ZRANB1: variants seen among roughly 807,000 people sequenced by gnomAD.
ZRANB1 encodes the protein zinc finger RANBP2-type containing 1.
Under a neutral mutation model 80.5 loss-of-function variants are expected in ZRANB1, and 16 were observed. The observed-to-expected ratio is 0.20, with a 90% CI of 0.13 to 0.30. ZRANB1 has a LOEUF of 0.30. ZRANB1 is among the 10% of genes least tolerant of loss of function. The pLI is 1.00. For missense variants in ZRANB1, 576 were observed against 862.6 expected (o/e 0.67, Z 4.16); for synonymous variants, 291 against 293.1 (o/e 0.99, Z 0.07).
chr10:124,955,128 AAAAC>A (rs758516203), intron 1 of ZRANB1, among the ~76,000 whole-genome samples: 3 of 152,016 alleles, frequency 2.0e-5, no homozygotes, highest in South Asian at 2.1e-4. Flanking sequence ...CTGTCTCAAA[AAAAC>A]AAACAAAAAC....
At chr10:124,922,623 G>C in the ZRANB1 span, among the ~76,000 whole-genome samples, 1 of 151,560 alleles carries the variant, frequency 6.6e-6, no homozygotes, top group Non-Finnish European at 1.5e-5. Context: ...CTTCTGAGTA[G>C]CTGGGATTAC....
the ZRANB1 span, among the ~76,000 whole-genome samples, chr10:124,936,517 A>G: frequency 3.9e-5 from 6 of 152,078 alleles, no homozygotes; most frequent in African/African-American, 1.2e-4. Flanking sequence ...TTAATGGAGG[A>G]TTTGATAACC....
chr10:124,951,306 T>G (rs1223767823), intron 1 of ZRANB1, among the ~76,000 whole-genome samples: 1 of 152,168 alleles, frequency 6.6e-6, no homozygotes, highest in African/African-American at 2.4e-5. Context: ...GGTTGTACAA[T>G]AATCCAAACA....
chr10:124,950,885 G>A (rs563859519), intron 1 of ZRANB1, among the ~76,000 whole-genome samples: 1 of 152,284 alleles, frequency 6.6e-6, no homozygotes, highest in African/African-American at 2.4e-5. Flanking sequence ...AGGAGGCTGG[G>A]ATGGGAGGAA....
Position 124,983,036 on chromosome 10 carries a change from C to A in ZRANB1, c.1549-139C>A. On this transcript the variant is annotated intron_variant, in intron 6 of 8. Transcript: ENST00000359653. This position sits in a 1 kb window ranked among gnomAD's most constrained non-coding sequence, Gnocchi z 6.2. Reference sequence around the variant, plus strand: ...TTACTGGATTTATTATTTGAGGAATCAAATGCTGCTTTGACAATCTTTTCT... The same window carrying A: ...TTACTGGATTTATTATTTGAGGAATAAAATGCTGCTTTGACAATCTTTTCT... The A allele has an allele frequency of 1.3e-6, 1 of 794,580 alleles. No individual in the cohort carries two copies. The highest frequency in any genetic ancestry group is 1.9e-6 in the Non-Finnish European group (1 of 522,880). 49.2% of individuals were successfully genotyped at this position (794,580 alleles called of 1,614,324 possible).
In ZRANB1 at chr10:124,972,206, G is replaced by T; in HGVS notation, c.1156+88G>T. 8 of 1,319,326 alleles carry T rather than the reference G, an allele frequency of 6.1e-6. No homozygotes were observed. The South Asian group carries it at 1.1e-4, about 18-fold the overall frequency. 81.7% of individuals were successfully genotyped at this position (1,319,326 alleles called of 1,614,324 possible). A position where few individuals can be genotyped will look rare whatever the true frequency, so the allele number is the denominator to read the frequency against. On this transcript the variant is annotated intron_variant, in intron 3 of 8. Coordinates refer to ENST00000359653, the MANE Select transcript of ZRANB1 (RefSeq NM_017580.3). Reference sequence around the variant, plus strand: ...AGGTGAAAAATGTTTCTGTTAGAAAGCACATAACATAGCTACTGTATGTGC... The same window carrying T: ...AGGTGAAAAATGTTTCTGTTAGAAATCACATAACATAGCTACTGTATGTGC...
upstream of ZRANB1, among the ~76,000 whole-genome samples, chr10:124,940,791 A>G (rs1017424008): frequency 6.6e-6 from 1 of 152,106 alleles, no homozygotes; most frequent in Non-Finnish European, 1.5e-5. Flanking sequence ...AGCCCGGCCA[A>G]GATGCTGAAA....
intron 1 of ZRANB1, among the ~76,000 whole-genome samples, chr10:124,951,682 C>T (rs879705010): frequency 3.9e-5 from 6 of 152,172 alleles, no homozygotes; most frequent in African/African-American, 7.2e-5. Context: ...ATCTGCTGGT[C>T]GCGGTGGCTC....
At chr10:124,982,441 T>G (rs1462628841) in intron 6 of ZRANB1, among the ~76,000 whole-genome samples, 3 of 152,258 alleles carry the variant, frequency 2.0e-5, no homozygotes, top group Non-Finnish European at 4.4e-5. Flanking sequence ...TTTGCAAGTT[T>G]GCTAACGTCT....
At chr10:124,947,662 A>G (rs184439710) in intron 1 of ZRANB1, among the ~76,000 whole-genome samples, 30 of 152,058 alleles carry the variant, frequency 2.0e-4, no homozygotes, top group African/African-American at 4.3e-4. Flanking sequence ...CTTCAAATCT[A>G]TTTTTTCCCA....
At chr10:124,962,260 C>A in intron 1 of ZRANB1, 2 of 305,104 alleles carry the variant, frequency 6.6e-6, no homozygotes, top group Non-Finnish European at 9.6e-6. Context: ...TGAACATTAC[C>A]ACTTAAAACT....
At chr10:124,973,294 A>G (rs1421182876) in intron 3 of ZRANB1, among the ~76,000 whole-genome samples, 1 of 152,052 alleles carries the variant, frequency 6.6e-6, no homozygotes, top group African/African-American at 2.4e-5. Flanking sequence ...GCTGGGACAC[A>G]GGTGTCTGCT....
intron 1 of ZRANB1, among the ~76,000 whole-genome samples, chr10:124,957,797 G>A (rs905543696): frequency 1.3e-5 from 2 of 151,732 alleles, no homozygotes; most frequent in African/African-American, 4.8e-5. Context: ...TGCAATCTGC[G>A]CTTGCTGCAC....
At position 124,974,327 on chromosome 10, in the gene ZRANB1, C is replaced by T. The variant is rs908134767; in HGVS notation, c.1356C>T (p.Thr452=). The change falls in exon 5 of 9, where the codon ACC becomes ACT. Residue 452 remains threonine (T), a synonymous_variant. Coordinates refer to ENST00000359653, the MANE Select transcript of ZRANB1 (RefSeq NM_017580.3). ...TACTTGATTCAGTTCTACAAGCTAC[C>T]TGGGGCATCTATGACAAGGACTCAG... ...DCLLDSVLQA[T]WGIYDKDSVL... The T allele has an allele frequency of 6.2e-7, 1 of 1,614,226 alleles. No individual in the cohort carries two copies. The highest frequency in any genetic ancestry group is 1.1e-5 in the South Asian group (1 of 91,088).
chr10:124,940,482 TG>T, upstream of ZRANB1: 1 of 1,287,782 alleles, frequency 7.8e-7, no homozygotes, highest in Non-Finnish European at 1.0e-6. Context: ...TGATCTGATT[TG>T]CAAACCGTAC....
At chr10:124,917,314 C>A in the ZRANB1 span, 1 of 150,924 alleles carries the variant, frequency 6.6e-6, no homozygotes, top group African/African-American at 2.4e-5. Flanking sequence ...GCCTGCCGGG[C>A]CCCTCGCTCC....
At chr10:124,917,070 G>T in the ZRANB1 span, 1 of 153,116 alleles carries the variant, frequency 6.5e-6, no homozygotes, top group South Asian at 1.9e-4. Context: ...ACCATGTCCT[G>T]ACTGAGGGGA....
chr10:124,969,591 C>G (rs1951804273), intron 2 of ZRANB1, among the ~76,000 whole-genome samples: 1 of 151,918 alleles, frequency 6.6e-6, no homozygotes, highest in South Asian at 2.1e-4. Flanking sequence ...GGACTCCTTC[C>G]CAGAATACTG....
chr10:124,987,565 A>T lies in ZRANB1; in HGVS notation c.*2573A>T, dbSNP rs1057241789. The T allele has an allele frequency of 3.9e-5, 6 of 151,994 alleles. No individual in the cohort carries two copies. Among genetic ancestry groups the T allele is most frequent in the Non-Finnish European group, 8.8e-5 (6 of 68,010 alleles). The allele number at this position is 151,994 out of a possible 1,614,324, so 9.4% of individuals were successfully genotyped here. Reference sequence around the variant, plus strand: ...CGCATATTTCATTGCCTCTTTGATGAGTGGTTACGAAGACGTTAAACTACC... The same window carrying T: ...CGCATATTTCATTGCCTCTTTGATGTGTGGTTACGAAGACGTTAAACTACC... On this transcript the variant is annotated 3_prime_UTR_variant, in exon 9 of 9. Transcript: ENST00000359653.
Sources: gnomAD v4.1 joint callset for allele counts (sites outside exome capture counted in the v4.1 genomes callset) on GRCh38, gnomAD v4.1.1 for gene constraint, Gnocchi (gnomAD v3.1) non-coding constraint, MANE v1.5 for transcripts, NCBI Gene and HGNC (gene_info 2026-07-23, HGNC 2026-07-21) for gene names.